NCAM1: variants seen among roughly 807,000 people sequenced by gnomAD.
The protein encoded by NCAM1 is neural cell adhesion molecule 1.
A neutral mutation model predicts 109.8 loss-of-function variants in NCAM1; 14 were observed. That is an observed-to-expected ratio of 0.13 (90% CI 0.08 to 0.20). NCAM1 has a LOEUF of 0.20. NCAM1 is among the 10% of genes least tolerant of loss of function. The pLI is 1.00. For synonymous variants in NCAM1, 418 were observed against 442.9 expected, an observed-to-expected ratio of 0.94 and a Z score of 0.70; for missense variants, 774 against 1,109.9, an observed-to-expected ratio of 0.70 and a Z score of 4.30.
Position 113,231,754 on chromosome 11 carries a change from C to G in NCAM1, c.1199C>G (p.Thr400Ser). The G allele has an allele frequency of 6.2e-7, 1 of 1,613,948 alleles. No individual in the cohort carries two copies. Among genetic ancestry groups the G allele is most frequent in the Non-Finnish European group, 8.5e-7 (1 of 1,179,890 alleles). Residue 400 changes from threonine to serine, a missense_variant, in exon 10 of 20, where the codon ACC becomes AGC. Thr to Ser is a moderately conservative substitution (Grantham distance 58). This residue lies in a region of NCAM1 where 523 missense variants were observed against 784.2 expected (regional missense o/e 0.67). Coordinates refer to ENST00000316851, the MANE Select transcript of NCAM1 (RefSeq NM_181351.5). ...AGEYICTASN[T>S]IGQDSQSMYL... ...GAGTACATCTGCACCGCCAGCAACACCATCGGCCAGGACTCCCAGTCCATG... is the reference window on the plus strand; with the variant it reads ...GAGTACATCTGCACCGCCAGCAACAGCATCGGCCAGGACTCCCAGTCCATG...
intron 1 of NCAM1, among the ~76,000 whole-genome samples, chr11:113,151,709 CA>C (rs1204643542): frequency 1.3e-5 from 2 of 152,244 alleles, no homozygotes; most frequent in African/African-American, 4.8e-5. Context: ...GCTTTTAATG[CA>C]GGGGCAAGGT....
At chr11:113,067,144 T>A (rs560408329) in intron 1 of NCAM1, among the ~76,000 whole-genome samples, 1 of 152,168 alleles carries the variant, frequency 6.6e-6, no homozygotes, top group Non-Finnish European at 1.5e-5. Context: ...CTGTGTTTCC[T>A]CCTTAGCGTA....
chr11:113,060,209 C>T lies in NCAM1; in HGVS notation c.52+98545C>T, dbSNP rs191290800. 4.3e-3 allele frequency among the ~76,000 whole-genome samples: 657 copies of T among 152,300 alleles called. 5 individuals are homozygous for T. Among genetic ancestry groups the T allele is most frequent in the African/African-American group, 0.015 (629 of 41,576 alleles). ...CAGACAAGATTTTTAATATGTGATG[C>T]TTGTCCTTTCTGCTTTTGCGACATC... On this transcript the variant is annotated intron_variant, in intron 1 of 19. Transcript: ENST00000316851.
intron 1 of NCAM1, among the ~76,000 whole-genome samples, chr11:113,014,577 G>GT (rs1282871971): frequency 6.6e-6 from 1 of 152,220 alleles, no homozygotes; most frequent in African/African-American, 2.4e-5. Flanking sequence ...AAAGAATGCT[G>GT]TAGTGAAACA....
At chr11:113,257,604 A>G (rs1945865848) in intron 16 of NCAM1, among the ~76,000 whole-genome samples, 2 of 152,232 alleles carry the variant, frequency 1.3e-5, no homozygotes, top group South Asian at 4.1e-4. Context: ...TGGCTGCAGC[A>G]GGCAGCTCTG....
At chr11:113,190,169 G>A (rs908861865) in intron 1 of NCAM1, among the ~76,000 whole-genome samples, 1 of 152,192 alleles carries the variant, frequency 6.6e-6, no homozygotes, top group Non-Finnish European at 1.5e-5. Context: ...GCAGCCAGAG[G>A]CCCTTGCTGT....
chr11:113,229,302 T>C (rs188140693), intron 9 of NCAM1, among the ~76,000 whole-genome samples: 2,009 of 152,286 alleles, frequency 0.013, 31 homozygotes, highest in African/African-American at 0.039. Context: ...CAAAAGAAGA[T>C]ATTTATGCAG....
At position 113,273,612 on chromosome 11, in the gene NCAM1, C is replaced by T; in HGVS notation, c.2457-1655C>T. On this transcript the variant is annotated intron_variant, in intron 19 of 19. Transcript: ENST00000316851. This position sits in a 1 kb window ranked among gnomAD's most constrained non-coding sequence, Gnocchi z 6.0. Reference sequence around the variant, plus strand: ...AATGGACGAAGGGAACTTCAAGACCCCAGATATTGACCTTGCAAAGGATGT... The same window carrying T: ...AATGGACGAAGGGAACTTCAAGACCTCAGATATTGACCTTGCAAAGGATGT... 1 of 452,078 alleles carries T rather than the reference C, an allele frequency of 2.2e-6. No individual in the cohort carries two copies. Among genetic ancestry groups the T allele is most frequent in the Non-Finnish European group, 4.5e-6 (1 of 224,286 alleles). 28.0% of individuals were successfully genotyped at this position (452,078 alleles called of 1,614,324 possible). A position where few individuals can be genotyped will look rare whatever the true frequency, so the allele number is the denominator to read the frequency against.
In NCAM1 at chr11:113,141,588, G is replaced by C. The variant is rs190846949; in HGVS notation, c.53-60791G>C. Among the ~76,000 whole-genome samples, 132 of 152,348 alleles carry C rather than the reference G, an allele frequency of 8.7e-4. 3 individuals are homozygous for C. In the East Asian group the frequency reaches 0.02, roughly 24 times the overall value. ...TGCTTGAACCCAGGCGGTGGAGGTT[G>C]CAGTGAGCTGAGATTGTGCCACTGC... On this transcript the variant is annotated intron_variant, in intron 1 of 19. Coordinates refer to ENST00000316851, the MANE Select transcript of NCAM1 (RefSeq NM_181351.5).
intron 1 of NCAM1, among the ~76,000 whole-genome samples, chr11:113,004,546 C>T (rs1951845321): frequency 6.6e-6 from 1 of 151,672 alleles, no homozygotes; most frequent in Non-Finnish European, 1.5e-5. Flanking sequence ...AATTTTCACT[C>T]ACAATTTTGA....
At chr11:113,200,138 C>G (rs1307843807) in intron 1 of NCAM1, among the ~76,000 whole-genome samples, 1 of 152,184 alleles carries the variant, frequency 6.6e-6, no homozygotes, top group Non-Finnish European at 1.5e-5. Flanking sequence ...TGCTAATACT[C>G]AGCATATGGT....
chr11:113,062,449 A>AG (rs1386188229), intron 1 of NCAM1, among the ~76,000 whole-genome samples: 2 of 152,296 alleles, frequency 1.3e-5, no homozygotes, highest in East Asian at 3.9e-4. Flanking sequence ...GGATCTACAG[A>AG]GAAAAACAAA....
At chr11:113,036,850 A>G (rs1308201749) in intron 1 of NCAM1, among the ~76,000 whole-genome samples, 2 of 152,044 alleles carry the variant, frequency 1.3e-5, no homozygotes, top group African/African-American at 4.8e-5. Flanking sequence ...GGGCACCCAC[A>G]TCTGAATTCT....
chr11:113,252,946 C>T (rs1245315852), intron 15 of NCAM1, among the ~76,000 whole-genome samples: 6 of 151,254 alleles, frequency 4.0e-5, no homozygotes, highest in Non-Finnish European at 5.9e-5. Flanking sequence ...CCACTGTGAC[C>T]AGCCAATATT....
chr11:112,986,249 G>A (rs1396810389), intron 1 of NCAM1, among the ~76,000 whole-genome samples: 1 of 151,714 alleles, frequency 6.6e-6, no homozygotes, highest in South Asian at 2.1e-4. Context: ...GCTTGTTTTC[G>A]AGGAATATAT....
chr11:112,978,038 C>T (rs1310134671), intron 1 of NCAM1, among the ~76,000 whole-genome samples: 1 of 151,792 alleles, frequency 6.6e-6, no homozygotes, highest in Non-Finnish European at 1.5e-5. Context: ...GTGGTGCAAT[C>T]CCAGTGTGTA....
chr11:113,154,824 A>G (rs1942352469), intron 1 of NCAM1, among the ~76,000 whole-genome samples: 1 of 152,198 alleles, frequency 6.6e-6, no homozygotes, highest in Admixed American at 6.5e-5. Context: ...GGAATGACAC[A>G]AAGAAGAAGG....
At chr11:113,110,409 A>T (rs782185778) in intron 1 of NCAM1, among the ~76,000 whole-genome samples, 4 of 152,164 alleles carry the variant, frequency 2.6e-5, no homozygotes, top group Admixed American at 6.5e-5. Flanking sequence ...ACTGATCTTA[A>T]ATGTTATGCT....
At chr11:113,206,330 C>A in intron 5 of NCAM1, 150 bp downstream of exon 5, 42 of 570,146 alleles carry the variant, frequency 7.4e-5, no homozygotes, top group Non-Finnish European at 1.0e-4. Context: ...ACCGTAACAT[C>A]TAGATTTCTT....
Sources: allele counts gnomAD v4.1 joint callset (sites outside exome capture counted in the v4.1 genomes callset), GRCh38; gene constraint gnomAD v4.1.1; regional missense constraint gnomAD v4.1.1; non-coding constraint Gnocchi (gnomAD v3.1); transcripts MANE v1.5; gene names NCBI Gene and HGNC (gene_info 2026-07-23, HGNC 2026-07-21).